The following ARSJ variants were observed in gnomAD, a reference collection of about 807,000 sequenced individuals.
ARSJ encodes arylsulfatase family member J, also known as arylsulfatase J.
A neutral mutation model predicts 35.9 loss-of-function variants in ARSJ; 26 were observed. The observed-to-expected ratio is 0.72, with a 90% confidence interval of 0.53 to 1.00. The LOEUF is 1.00. ARSJ is among the 50% of genes least tolerant of loss of function. ARSJ has a pLI of 0.00. For missense variants in ARSJ, 667 were observed against 723.6 expected, an observed-to-expected ratio of 0.92 and a Z score of 0.90; for synonymous variants, 294 against 267.6, an observed-to-expected ratio of 1.10 and a Z score of -0.96.
intron 1 of ARSJ, among the ~76,000 whole-genome samples, chr4:113,944,626 G>A (rs1725360872): frequency 6.6e-6 from 1 of 151,986 alleles, no homozygotes; most frequent in Non-Finnish European, 1.5e-5. Context: ...CAGCTCTCAG[G>A]GGATTATCAA....
chr4:113,973,940 G>A (rs538542601), intron 1 of ARSJ, among the ~76,000 whole-genome samples: 6 of 152,012 alleles, frequency 3.9e-5, no homozygotes, highest in Non-Finnish European at 8.8e-5. Flanking sequence ...ACAACAAATC[G>A]ATAGCGAAAA....
chr4:113,930,185 T>C (rs1010253316), intron 1 of ARSJ, among the ~76,000 whole-genome samples: 1 of 152,004 alleles, frequency 6.6e-6, no homozygotes, highest in Non-Finnish European at 1.5e-5. Context: ...GTTTAGTAAG[T>C]ATTAACTTAC....
chr4:113,907,444 A>G (rs546265126), intron 1 of ARSJ, among the ~76,000 whole-genome samples: 1 of 152,326 alleles, frequency 6.6e-6, no homozygotes, highest in African/African-American at 2.4e-5. Context: ...CAATAAAATA[A>G]TGAAAAATCA....
At position 113,903,420 on chromosome 4, in the gene ARSJ, AC is replaced by A. The variant is rs1303183349; in HGVS notation, c.653del (p.Cys218LeufsTer33). On this transcript the variant is annotated frameshift_variant, in exon 2 of 2. Transcript: ENST00000315366. LOFTEE classifies it high-confidence loss of function. ...THYKCDSPGM[C>X]GYDLYENDNA... ...TGTCGTTTTCATACAAGTCATAGCC[AC>A]ACATCCCAGGACTGTCACATTTGTA... 4.3e-6 allele frequency: 7 copies of A among 1,614,212 alleles called. No individual in the cohort carries two copies. Among genetic ancestry groups the A allele is most frequent in the Non-Finnish European group, 5.9e-6 (7 of 1,180,030 alleles).
intron 1 of ARSJ, among the ~76,000 whole-genome samples, chr4:113,926,870 G>A (rs948551225): frequency 3.3e-5 from 5 of 152,098 alleles, no homozygotes; most frequent in African/African-American, 1.2e-4. Context: ...AAGACGGCAG[G>A]GTCCTGCTCC....
Position 113,903,336 on chromosome 4 carries a change from T to A in ARSJ, c.738A>T (p.Val246=). 1 of 1,614,234 alleles carries A rather than the reference T, an allele frequency of 6.2e-7. No homozygotes were observed. The change falls in exon 2 of 2, where the codon GTA becomes GTT. Residue 246 remains valine (V), a synonymous_variant. Transcript: ENST00000315366. The stretch of plus-strand genomic sequence containing the variant: ...GGTTATGGGAAGCTAAGATTTGCTG[T>A]ACTCTCTGAGTGTACATCTGTGTGG... ...IYSTQMYTQR[V]QQILASHNPT...
intron 1 of ARSJ, among the ~76,000 whole-genome samples, chr4:113,918,509 G>T (rs1251296551): frequency 6.6e-6 from 1 of 152,064 alleles, no homozygotes; most frequent in Non-Finnish European, 1.5e-5. Context: ...GGTCTTTAGT[G>T]ATTTGTAAGA....
chr4:113,947,646 G>GA (rs1466281158), intron 1 of ARSJ, among the ~76,000 whole-genome samples: 2 of 150,138 alleles, frequency 1.3e-5, no homozygotes, highest in Admixed American at 6.7e-5. Flanking sequence ...GAAGGAAGGA[G>GA]AAAAAATTGA....
intron 1 of ARSJ, among the ~76,000 whole-genome samples, chr4:113,940,844 A>G (rs1334564247): frequency 2.0e-5 from 3 of 151,954 alleles, no homozygotes; most frequent in Non-Finnish European, 4.4e-5. Flanking sequence ...TTTACAGGCA[A>G]CATGCATACT....
At chr4:113,966,346 A>G (rs946255551) in intron 1 of ARSJ, among the ~76,000 whole-genome samples, 2 of 3,622 alleles carry the variant, frequency 5.5e-4, no homozygotes, top group Non-Finnish European at 0.023. Context: ...ATGCTTTAGT[A>G]GAGATAAAAA....
intron 1 of ARSJ, among the ~76,000 whole-genome samples, chr4:113,952,334 AT>A (rs1352970965): frequency 6.6e-6 from 1 of 152,076 alleles, no homozygotes; most frequent in African/African-American, 2.4e-5. Context: ...AGCCAACTTG[AT>A]TTTTTAAAAT....
intron 1 of ARSJ, among the ~76,000 whole-genome samples, chr4:113,973,687 C>A (rs1204638367): frequency 4.6e-5 from 7 of 152,184 alleles, no homozygotes; most frequent in Admixed American, 1.3e-4. Context: ...GTTAAACCTT[C>A]AGATCTTCCT....
intron 1 of ARSJ, among the ~76,000 whole-genome samples, chr4:113,972,308 A>C (rs901518742): frequency 1.2e-4 from 8 of 66,832 alleles, no homozygotes; most frequent in South Asian, 1.1e-3. Flanking sequence ...AAAAAAAAAC[A>C]AAAAAAAAAA....
intron 1 of ARSJ, among the ~76,000 whole-genome samples, chr4:113,927,868 T>C (rs1724174609): frequency 1.3e-5 from 2 of 152,110 alleles, no homozygotes; most frequent in Non-Finnish European, 2.9e-5. Flanking sequence ...AGGGATACAA[T>C]ATTATTTTTG....
At chr4:113,934,911 G>T (rs1471514150) in intron 1 of ARSJ, among the ~76,000 whole-genome samples, 1 of 151,726 alleles carries the variant, frequency 6.6e-6, no homozygotes, top group Non-Finnish European at 1.5e-5. Flanking sequence ...ATTGACCCAA[G>T]AAGTAAGAGC....
chr4:113,924,077 AT>A (rs1165643291), intron 1 of ARSJ, among the ~76,000 whole-genome samples: 34 of 101,252 alleles, frequency 3.4e-4, no homozygotes, highest in South Asian at 8.6e-4. Flanking sequence ...ATATATATAA[AT>A]ATATATATAT....
intron 1 of ARSJ, among the ~76,000 whole-genome samples, chr4:113,975,737 C>T (rs1298931205): frequency 6.6e-6 from 1 of 152,072 alleles, no homozygotes; most frequent in African/African-American, 2.4e-5. Flanking sequence ...AATTCATTAC[C>T]CCAGAACACA....
chr4:113,954,617 C>T (rs905263460), intron 1 of ARSJ, among the ~76,000 whole-genome samples: 1 of 151,874 alleles, frequency 6.6e-6, no homozygotes, highest in African/African-American at 2.4e-5. Flanking sequence ...ACAAATTGTC[C>T]CAAAGATTTA....
intron 1 of ARSJ, among the ~76,000 whole-genome samples, chr4:113,956,708 C>G (rs567721291): frequency 6.6e-6 from 1 of 152,000 alleles, no homozygotes; most frequent in Non-Finnish European, 1.5e-5. Context: ...GAGCAGCTCA[C>G]GCAATGGCAT....
Sources: allele counts gnomAD v4.1 joint callset (sites outside exome capture counted in the v4.1 genomes callset), GRCh38; gene constraint gnomAD v4.1.1; transcripts MANE v1.5; gene names NCBI Gene and HGNC (gene_info 2026-07-23, HGNC 2026-07-21).